The following DLGAP1 variants were observed in gnomAD, a reference collection of about 807,000 sequenced individuals.
The protein encoded by DLGAP1 is disks large-associated protein 1.
Under a neutral mutation model 90.8 loss-of-function variants are expected in DLGAP1, and 11 were observed. The ratio of observed to expected loss-of-function variants is 0.12; its 90% CI spans 0.08 to 0.20. The LOEUF is 0.20. Among genes scored for constraint, DLGAP1 ranks in the 10% least tolerant of loss-of-function variants. The pLI, the probability that DLGAP1 is intolerant of heterozygous loss-of-function variation, is 1.00. For missense variants in DLGAP1, 1,050 were observed against 1,333.8 expected, an observed-to-expected ratio of 0.79 and a Z score of 3.31; for synonymous variants, 558 against 540.7, an observed-to-expected ratio of 1.03 and a Z score of -0.44.
intron 5 of DLGAP1, among the ~76,000 whole-genome samples, chr18:3,764,208 G>A (rs1220998375): frequency 6.6e-6 from 1 of 152,204 alleles, no homozygotes; most frequent in African/African-American, 2.4e-5. Flanking sequence ...CGACAAGTTT[G>A]TAAACTCAAA....
intron 5 of DLGAP1, among the ~76,000 whole-genome samples, chr18:3,805,954 G>A (rs2066539311): frequency 6.6e-6 from 1 of 152,188 alleles, no homozygotes; most frequent in Non-Finnish European, 1.5e-5. Context: ...CTGGTTTATA[G>A]ATAGGAATGT....
chr18:3,879,441 C>T lies in DLGAP1; in HGVS notation c.628G>A (p.Gly210Ser), dbSNP rs764609380. The T allele has an allele frequency of 5.0e-6, 8 of 1,608,658 alleles. No individual in the cohort carries two copies. Among genetic ancestry groups the T allele is most frequent in the Middle Eastern group, 1.6e-4 (1 of 6,084 alleles). ...GGGGCGTGGTAGATGCACATGTCACCATCCAGGTTGTCGTCCGAGCTCCAC... is the reference window on the plus strand; with the variant it reads ...GGGGCGTGGTAGATGCACATGTCACTATCCAGGTTGTCGTCCGAGCTCCAC... The part of the protein sequence containing the change: ...GWWSSDDNLD[G>S]DMCIYHAPSG... Residue 210 changes from glycine (G) to serine (S), a missense_variant, in exon 4 of 13, where the codon GGT (glycine) becomes AGT (serine). Around this residue, in one of 2 missense-constraint regions of DLGAP1, gnomAD observed 485 missense variants for 454.1 expected, o/e 1.07. Coordinates refer to ENST00000315677, the MANE Select transcript of DLGAP1 (RefSeq NM_004746.4). This position sits in a 1 kb window ranked among gnomAD's most constrained non-coding sequence, Gnocchi z 6.6.
In DLGAP1 at chr18:4,381,225, G is replaced by A. The variant is rs1043197417; in HGVS notation, c.-267+73781C>T. Among the ~76,000 whole-genome samples, 191 of 152,232 alleles carry A rather than the reference G, an allele frequency of 1.3e-3. 2 individuals are homozygous for A. Among genetic ancestry groups the A allele is most frequent in the Non-Finnish European group, 1.8e-4 (12 of 68,006 alleles). On this transcript the variant is annotated intron_variant, in intron 1 of 12. Transcript: ENST00000315677. ...TGTATGGCCATTCTTCTATCTATTG[G>A]AGTGGGCCTACAATTGTTTTCAGAG...
Position 3,879,800 on chromosome 18 carries a change from C to G in DLGAP1, c.269G>C (p.Arg90Pro). ...GCGGTTCGCCTTGGTGGCCAGGGTG[C>G]GGGGCACCAGGGCACACTCGTCCTT... is the stretch of plus-strand genomic sequence containing the variant. ...ELKDECALVP[R>P]TLATKANRIP... The change falls in exon 4 of 13, where the codon CGC (arginine) becomes CCC (proline). Residue 90 changes from arginine (R) to proline (P), a missense_variant. By Grantham distance (103) the Arg-to-Pro change is moderately radical. Coordinates refer to ENST00000315677, the MANE Select transcript of DLGAP1 (RefSeq NM_004746.4). This position sits in a 1 kb window ranked among gnomAD's most constrained non-coding sequence, Gnocchi z 6.6. The G allele has an allele frequency of 6.2e-7, 1 of 1,607,360 alleles. No homozygotes were observed. The highest frequency in any genetic ancestry group is 8.5e-7 in the Non-Finnish European group (1 of 1,179,866).
intron 11 of DLGAP1, among the ~76,000 whole-genome samples, chr18:3,507,465 G>A (rs1452963344): frequency 3.3e-5 from 5 of 152,044 alleles, no homozygotes; most frequent in Non-Finnish European, 7.4e-5. Context: ...GCAGTGAGCC[G>A]AGCCGAGATC....
chr18:4,422,299 CAT>C (rs1300477752), intron 1 of DLGAP1, among the ~76,000 whole-genome samples: 1 of 151,652 alleles, frequency 6.6e-6, no homozygotes, highest in Non-Finnish European at 1.5e-5. Flanking sequence ...TGTTTACTGA[CAT>C]ATAAAATAAT....
chr18:3,935,332 T>C (rs113806180), intron 3 of DLGAP1, among the ~76,000 whole-genome samples: 1 of 152,204 alleles, frequency 6.6e-6, no homozygotes, highest in Admixed American at 6.5e-5. Context: ...TGAAGATTAA[T>C]TAAGTGTTGG....
intron 9 of DLGAP1, among the ~76,000 whole-genome samples, chr18:3,543,686 A>C (rs948252786): frequency 1.3e-5 from 2 of 152,230 alleles, no homozygotes; most frequent in African/African-American, 4.8e-5. Flanking sequence ...AAGACATTTG[A>C]TATCAGACAA....
chr18:3,771,476 G>A (rs62083252), intron 5 of DLGAP1: 15,494 of 152,418 alleles, frequency 0.1, 854 homozygotes, highest in Middle Eastern at 0.17. Flanking sequence ...GCCCGGGGGC[G>A]GGTGGCGGCG....
chr18:3,697,495 T>C lies in DLGAP1; in HGVS notation c.1591+31640A>G, dbSNP rs530057005. Among the ~76,000 whole-genome samples, 14 of 152,256 alleles carry C rather than the reference T, an allele frequency of 9.2e-5. No individual in the cohort carries two copies. The East Asian group carries it at 2.7e-3, about 29-fold the overall frequency. On this transcript the variant is annotated intron_variant, in intron 7 of 12. Transcript: ENST00000315677. ...GTTGTTCAGTTTCCATGTAGTCTTG[T>C]GGTTTTGAGTGAGTTTCTTAATCCT...
chr18:3,597,129 C>CT (rs2056626365), intron 7 of DLGAP1: 1 of 519,450 alleles, frequency 1.9e-6, no homozygotes, highest in South Asian at 1.4e-5. Flanking sequence ...AAACTAGGAA[C>CT]TTTGTTATTC....
At chr18:3,880,616 G>T (rs2071130543) in intron 3 of DLGAP1, among the ~76,000 whole-genome samples, 1 of 152,096 alleles carries the variant, frequency 6.6e-6, no homozygotes, top group South Asian at 2.1e-4. Context: ...TCCAAAGCCT[G>T]TAGGGAGAGA....
At chr18:4,151,713 A>AT (rs111690915) in intron 1 of DLGAP1, among the ~76,000 whole-genome samples, 98 of 152,206 alleles carry the variant, frequency 6.4e-4, no homozygotes, top group African/African-American at 2.1e-3. Context: ...AAAATGTATC[A>AT]TTTTTTTCCA....
At chr18:3,945,634 G>A (rs1396973941) in intron 3 of DLGAP1, among the ~76,000 whole-genome samples, 1 of 152,132 alleles carries the variant, frequency 6.6e-6, no homozygotes, top group African/African-American at 2.4e-5. Flanking sequence ...ATCTTCTTAT[G>A]GGATTTTTAA....
At chr18:4,124,984 G>C (rs2076210614) in intron 2 of DLGAP1, among the ~76,000 whole-genome samples, 1 of 152,168 alleles carries the variant, frequency 6.6e-6, no homozygotes, top group Non-Finnish European at 1.5e-5. Flanking sequence ...AAGCAAGCAT[G>C]GGGTCCAGGT....
At chr18:3,595,677 T>G (rs115437975) in intron 7 of DLGAP1, among the ~76,000 whole-genome samples, 3,055 of 152,288 alleles carry the variant, frequency 0.02, 100 homozygotes, top group African/African-American at 0.068. Flanking sequence ...AACATCAGGC[T>G]TACTAATTTG....
intron 2 of DLGAP1, among the ~76,000 whole-genome samples, chr18:4,087,166 G>C (rs1303028286): frequency 1.3e-5 from 2 of 150,246 alleles, no homozygotes; most frequent in East Asian, 3.9e-4. Flanking sequence ...GGTTGTTTCT[G>C]CCAAATTCAT....
chr18:4,138,287 A>C (rs2076439172), intron 2 of DLGAP1, among the ~76,000 whole-genome samples: 1 of 151,380 alleles, frequency 6.6e-6, no homozygotes, highest in African/African-American at 2.4e-5. Flanking sequence ...TGTTCCTTCT[A>C]CACCCACTTT....
At chr18:3,793,850 A>G (rs1278044865) in intron 5 of DLGAP1, among the ~76,000 whole-genome samples, 2 of 152,052 alleles carry the variant, frequency 1.3e-5, no homozygotes, top group African/African-American at 4.8e-5. Context: ...TTCTCTGAAC[A>G]GCACCTCCTC....
Sources: allele counts gnomAD v4.1 joint callset (sites outside exome capture counted in the v4.1 genomes callset), GRCh38; gene constraint gnomAD v4.1.1; regional missense constraint gnomAD v4.1.1; non-coding constraint Gnocchi (gnomAD v3.1); transcripts MANE v1.5; gene names NCBI Gene and HGNC (gene_info 2026-07-23, HGNC 2026-07-21).